Variants in BCL2 observed in about 807,000 individuals in gnomAD.
The protein encoded by BCL2 is BCL2 apoptosis regulator, also known as apoptosis regulator Bcl-2.
A neutral mutation model predicts 14.2 loss-of-function variants in BCL2; 1 was observed. The ratio of observed to expected loss-of-function variants is 0.07; its 90% CI spans 0.02 to 0.33. BCL2 has a LOEUF of 0.33. BCL2 is among the 10% of genes least tolerant of loss of function. The pLI is 0.99. For missense variants in BCL2, 247 were observed against 305.9 expected, an observed-to-expected ratio of 0.81 and a Z score of 1.44; for synonymous variants, 151 against 137.2, an observed-to-expected ratio of 1.10 and a Z score of -0.70.
At chr18:63,261,758 A>G (rs1341739658) in intron 2 of BCL2, among the ~76,000 whole-genome samples, 1 of 151,686 alleles carries the variant, frequency 6.6e-6, no homozygotes, top group Admixed American at 6.6e-5. Context: ...AGTAAAGCAC[A>G]TATACTAATT....
chr18:63,315,330 T>C lies in BCL2; in HGVS notation c.585+2752A>G, dbSNP rs1303639310. On this transcript the variant is annotated intron_variant, in intron 2 of 2. Coordinates refer to ENST00000333681, the MANE Select transcript of BCL2 (RefSeq NM_000633.3). ...TGCCTTATTCAGACCTAGGAATAAATCCACACTCCACTCTACAGCCAATTA... is the reference window on the plus strand; with the variant it reads ...TGCCTTATTCAGACCTAGGAATAAACCCACACTCCACTCTACAGCCAATTA... The C allele has an allele frequency of 2.0e-5, 3 of 152,368 alleles. No individual in the cohort carries two copies. In the South Asian group the frequency reaches 6.2e-4, roughly 32 times the overall value. The allele number at this position is 152,368 out of a possible 1,614,324, so 9.4% of individuals were successfully genotyped here.
chr18:63,313,089 CTTATAG>C (rs1913385209), intron 2 of BCL2, among the ~76,000 whole-genome samples: 1 of 152,136 alleles, frequency 6.6e-6, no homozygotes, highest in African/African-American at 2.4e-5. Context: ...TGCAAAATAA[CTTATAG>C]TTATTTGCTT....
chr18:63,220,208 G>C (rs1402696711), intron 2 of BCL2, among the ~76,000 whole-genome samples: 1 of 152,206 alleles, frequency 6.6e-6, no homozygotes, highest in African/African-American at 2.4e-5. Flanking sequence ...TGAAAGACTG[G>C]TATCAAGAGC....
intron 2 of BCL2, among the ~76,000 whole-genome samples, chr18:63,212,756 G>C (rs1233016808): frequency 3.3e-5 from 5 of 152,018 alleles, no homozygotes; most frequent in African/African-American, 7.3e-5. Context: ...CATGCCTGTA[G>C]TCCCAGTTAC....
chr18:63,267,126 GA>G (rs1168222820), intron 2 of BCL2, among the ~76,000 whole-genome samples: 3 of 152,214 alleles, frequency 2.0e-5, no homozygotes, highest in Non-Finnish European at 4.4e-5. Flanking sequence ...GAGGGCAGGG[GA>G]CAGCACGATG....
chr18:63,227,600 G>T (rs539138780), intron 2 of BCL2, among the ~76,000 whole-genome samples: 12 of 152,276 alleles, frequency 7.9e-5, no homozygotes, highest in African/African-American at 2.2e-4. Context: ...AACAGTGTAA[G>T]AAAAAGTCAA....
At chr18:63,136,536 A>G (rs868420885) in intron 2 of BCL2, among the ~76,000 whole-genome samples, 2 of 152,334 alleles carry the variant, frequency 1.3e-5, no homozygotes, top group Middle Eastern at 3.4e-3. Flanking sequence ...CAAGTGGTTT[A>G]TTTGGGAGAT....
intron 2 of BCL2, among the ~76,000 whole-genome samples, chr18:63,212,736 CACA>C (rs1910073863): frequency 6.6e-6 from 1 of 152,040 alleles, no homozygotes; most frequent in Non-Finnish European, 1.5e-5. Flanking sequence ...ATTAGCCAGT[CACA>C]GTGGCACATG....
intron 2 of BCL2, among the ~76,000 whole-genome samples, chr18:63,254,965 T>C (rs1911428417): frequency 6.6e-6 from 1 of 152,212 alleles, no homozygotes. Context: ...CTGCAAAACA[T>C]GGGCCCTATC....
At chr18:63,194,908 G>A (rs1424234249) in intron 2 of BCL2, among the ~76,000 whole-genome samples, 1 of 152,202 alleles carries the variant, frequency 6.6e-6, no homozygotes, top group Non-Finnish European at 1.5e-5. Flanking sequence ...GTCGGCCTGG[G>A]GAAGTCCTGG....
At chr18:63,231,137 C>T (rs955544410) in intron 2 of BCL2, among the ~76,000 whole-genome samples, 3 of 151,708 alleles carry the variant, frequency 2.0e-5, no homozygotes, top group African/African-American at 7.3e-5. Flanking sequence ...AAGGAAAAAC[C>T]ATATAATCAT....
At position 63,297,312 on chromosome 18, in the gene BCL2, A is replaced by T. The variant is rs1599297499; in HGVS notation, c.585+20770T>A. Among the ~76,000 whole-genome samples the T allele has an allele frequency of 2.6e-5, 4 of 152,358 alleles. No homozygotes were observed. In the East Asian group the frequency reaches 7.7e-4, roughly 29 times the overall value. On this transcript the variant is annotated intron_variant, in intron 2 of 2. Coordinates refer to ENST00000333681, the MANE Select transcript of BCL2 (RefSeq NM_000633.3). ...TATTTTATTAAACTAATACATCCAA[A>T]ATACTATCACTTCAACACAAAATTC...
At chr18:63,189,189 T>TAAAAAAAAAAAAAAAA (rs34498028) in intron 2 of BCL2, among the ~76,000 whole-genome samples, 1 of 135,366 alleles carries the variant, frequency 7.4e-6, no homozygotes. Context: ...TAACAGCATA[T>TAAAAAAAAAAAAAAAA]AAAAAAAAAA....
intron 2 of BCL2, chr18:63,302,864 A>G: frequency 2.0e-6 from 2 of 985,424 alleles, no homozygotes; most frequent in Middle Eastern, 5.2e-4. Flanking sequence ...AAATGTTATT[A>G]TGGAAACACT....
intron 2 of BCL2, among the ~76,000 whole-genome samples, chr18:63,281,773 A>T (rs1331888294): frequency 6.6e-6 from 1 of 152,194 alleles, no homozygotes; most frequent in Non-Finnish European, 1.5e-5. Context: ...AAGAAAAGAA[A>T]TAGTAGCAAC....
rs187831586 is a variant in BCL2 at position 63,159,150 on chromosome 18, C to T, written c.586-30391G>A. On this transcript the variant is annotated intron_variant, in intron 2 of 2. Transcript: ENST00000333681. The stretch of plus-strand genomic sequence containing the variant: ...CAATTTGCCCTTCCATTCCCTTCCT[C>T]TCTAGTTTCAAGATGAGATGATGAC... Among the ~76,000 whole-genome samples the T allele has an allele frequency of 9.2e-5, 14 of 152,314 alleles. No individual in the cohort carries two copies. The East Asian group carries it at 1.2e-3, about 13-fold the overall frequency.
chr18:63,134,822 C>G (rs1450236638), intron 2 of BCL2, among the ~76,000 whole-genome samples: 1 of 152,146 alleles, frequency 6.6e-6, no homozygotes, highest in African/African-American at 2.4e-5. Flanking sequence ...AAAATCAGAC[C>G]ATGCCAATGG....
At chr18:63,151,614 T>C (rs991269737) in intron 2 of BCL2, among the ~76,000 whole-genome samples, 6 of 152,130 alleles carry the variant, frequency 3.9e-5, no homozygotes, top group African/African-American at 1.4e-4. Flanking sequence ...CAAAACAAAA[T>C]CTCATGGAAA....
Position 63,169,288 on chromosome 18 carries a change from CTTT to C in BCL2, c.586-40532_586-40530del, listed in dbSNP as rs1915134717. 1.3e-4 allele frequency among the ~76,000 whole-genome samples: 9 copies of C among 70,314 alleles called. 1 individual carries two copies. Among genetic ancestry groups the C allele is most frequent in the African/African-American group, 9.0e-4 (9 of 10,016 alleles). The allele number at this position is 70,314 out of a possible 152,430, so 46.1% of individuals were successfully genotyped here. ...TCTTTCTTTCTTTCTTTCTTTCTTT[CTTT>C]CTTTCTTTCTTTCTTTCTTCCTTCC... On this transcript the variant is annotated intron_variant, in intron 2 of 2. Coordinates refer to ENST00000333681, the MANE Select transcript of BCL2 (RefSeq NM_000633.3).
Sources: allele counts gnomAD v4.1 joint callset (sites outside exome capture counted in the v4.1 genomes callset), GRCh38; gene constraint gnomAD v4.1.1; transcripts MANE v1.5; gene names NCBI Gene and HGNC (gene_info 2026-07-23, HGNC 2026-07-21).